Variants in TIAM1 observed in about 807,000 individuals in gnomAD.
TIAM1 encodes the protein rho guanine nucleotide exchange factor TIAM1.
In TIAM1, 65 loss-of-function variants were observed where a neutral mutation model predicts 163.5. That is an observed-to-expected ratio of 0.40 (90% CI 0.33 to 0.49). The LOEUF is 0.49. TIAM1 is among the 20% of genes least tolerant of loss of function. TIAM1 has a pLI of 0.77. For synonymous variants in TIAM1, 833 were observed against 810.1 expected (o/e 1.03, Z -0.48); for missense variants, 1,789 against 2,044.7 (o/e 0.87, Z 2.41).
intron 2 of TIAM1, among the ~76,000 whole-genome samples, chr21:31,414,997 A>C (rs2043323464): frequency 2.0e-5 from 3 of 152,194 alleles, no homozygotes; most frequent in African/African-American, 7.2e-5. Context: ...AGGAGGCAGG[A>C]AGTCACAGAA....
chr21:31,209,968 G>A (rs2086641023), intron 11 of TIAM1, 77 bp downstream of exon 11: 5 of 1,502,040 alleles, frequency 3.3e-6, no homozygotes, highest in Middle Eastern at 4.9e-4. Flanking sequence ...ACGGCTCTGG[G>A]TTTCCACATG....
intron 6 of TIAM1, among the ~76,000 whole-genome samples, chr21:31,234,783 A>T (rs201164038): frequency 0.071 from 5 of 70 alleles, no homozygotes; most frequent in Non-Finnish European, 0.23. Context: ...CCCTGTCTCC[A>T]AAAAAAAAGA....
At position 31,141,721 on chromosome 21, in the gene TIAM1, C is replaced by T. The variant is rs559250656; in HGVS notation, c.3476-217G>A. Among the ~76,000 whole-genome samples, 2 of 152,046 alleles carry T rather than the reference C, an allele frequency of 1.3e-5. No homozygotes were observed. Among genetic ancestry groups the T allele is most frequent in the Non-Finnish European group, 2.9e-5 (2 of 68,010 alleles). ...GTGTTGGGGGTGGGGTGGGGAGAAG[C>T]CTGATGAGTTAAAGGATGACGGAGT... On this transcript the variant is annotated intron_variant, in intron 20 of 27. Transcript: ENST00000541036. This position sits in a 1 kb window ranked among gnomAD's most constrained non-coding sequence, Gnocchi z 4.7.
chr21:31,303,237 A>G (rs1489815739), intron 2 of TIAM1, among the ~76,000 whole-genome samples: 2 of 152,226 alleles, frequency 1.3e-5, no homozygotes, highest in Non-Finnish European at 2.9e-5. Flanking sequence ...AACTCTTCCT[A>G]AGAGAAGCCA....
chr21:31,314,923 C>T (rs1317320853), intron 2 of TIAM1, among the ~76,000 whole-genome samples: 4 of 152,146 alleles, frequency 2.6e-5, no homozygotes, highest in Non-Finnish European at 5.9e-5. Context: ...GACGTACCTG[C>T]ATTTGTATAA....
chr21:31,203,034 GA>G (rs1252502319), intron 11 of TIAM1, 22 bp from the exon 12 acceptor site: 1 of 1,586,422 alleles, frequency 6.3e-7, no homozygotes, highest in Non-Finnish European at 8.6e-7. Context: ...AAGAAAGAAA[GA>G]AAGAAAATGT....
At position 31,546,556 on chromosome 21, in the gene TIAM1, A is replaced by AAAAGAAAGAAAGAAAGAAAG. The variant is rs58230083; in HGVS notation, c.-422+12351_-422+12370dup. Among the ~76,000 whole-genome samples, 86 of 143,370 alleles carry AAAAGAAAGAAAGAAAGAAAG rather than the reference A, an allele frequency of 6.0e-4. 4 individuals are homozygous for AAAAGAAAGAAAGAAAGAAAG. In the East Asian group the frequency reaches 7.3e-3, roughly 12 times the overall value. 94.1% of individuals were successfully genotyped at this position (143,370 alleles called of 152,430 possible). A position where few individuals can be genotyped will look rare whatever the true frequency, so the allele number is the denominator to read the frequency against. The stretch of plus-strand genomic sequence containing the variant: ...CAGAGCAAGACTCCATCTCAAAAAA[A>AAAAGAAAGAAAGAAAGAAAG]AAAGAAAGAAAGAAAGAAAGAAAGA... On this transcript the variant is annotated intron_variant, in intron 1 of 28. Transcript: ENST00000286827.
intron 7 of TIAM1, among the ~76,000 whole-genome samples, chr21:31,224,514 T>C (rs527591454): frequency 2.6e-5 from 4 of 152,330 alleles, no homozygotes; most frequent in African/African-American, 9.6e-5. Context: ...TCCATTCATA[T>C]GAAATATCTA....
intron 3 of TIAM1, among the ~76,000 whole-genome samples, chr21:31,271,557 T>A (rs2073056523): frequency 1.3e-5 from 2 of 152,100 alleles, no homozygotes; most frequent in Admixed American, 6.5e-5. Context: ...TGTGTTCCCC[T>A]CCCCACCCCC....
chr21:31,231,351 C>T (rs539964533), intron 6 of TIAM1, among the ~76,000 whole-genome samples: 16 of 152,232 alleles, frequency 1.1e-4, no homozygotes, highest in East Asian at 5.8e-4. Flanking sequence ...TCAAACATAA[C>T]GGAGTCTGTG....
Position 31,266,640 on chromosome 21 carries a change from G to A in TIAM1, c.333C>T (p.Ser111=), listed in dbSNP as rs200120014. 1.7e-5 allele frequency: 27 copies of A among 1,614,104 alleles called. No individual in the cohort carries two copies. The highest frequency in any genetic ancestry group is 1.8e-5 in the Non-Finnish European group (21 of 1,180,062). ...CTGTGAGGACGATGCTGCTGTCTACGCTGGGAGTGACAGAAGAGTCAGTGT... is the reference window on the plus strand; with the variant it reads ...CTGTGAGGACGATGCTGCTGTCTACACTGGGAGTGACAGAAGAGTCAGTGT... ...VSYTDSSVTP[S]VDSSIVLTAA... The change falls in exon 4 of 28, where the codon AGC becomes AGT. Residue 111 remains serine, a synonymous_variant. Coordinates refer to ENST00000541036, the MANE Select transcript of TIAM1 (RefSeq NM_001353694.2).
chr21:31,311,227 G>A (rs987247591), intron 2 of TIAM1, among the ~76,000 whole-genome samples: 3 of 151,850 alleles, frequency 2.0e-5, no homozygotes, highest in African/African-American at 7.3e-5. Flanking sequence ...ACTCAAGGAG[G>A]AACAAAGACC....
chr21:31,211,052 C>T (rs555908212), intron 10 of TIAM1, among the ~76,000 whole-genome samples: 2 of 151,982 alleles, frequency 1.3e-5, no homozygotes, highest in African/African-American at 2.4e-5. Flanking sequence ...CACGACCCGG[C>T]GCCAGAGACA....
intron 15 of TIAM1, among the ~76,000 whole-genome samples, chr21:31,174,329 T>G (rs2084662884): frequency 6.6e-6 from 1 of 152,184 alleles, no homozygotes; most frequent in South Asian, 2.1e-4. Context: ...GCAAGGTGCC[T>G]TCGACTTTCA....
chr21:31,213,287 G>T, intron 10 of TIAM1, 111 bp downstream of exon 10: 1 of 916,354 alleles, frequency 1.1e-6, no homozygotes, highest in Non-Finnish European at 1.6e-6. Flanking sequence ...ACTGATTTCA[G>T]TTTTTAATAT....
chr21:31,159,357 CTT>C (rs2083787034), intron 16 of TIAM1, among the ~76,000 whole-genome samples: 1 of 152,128 alleles, frequency 6.6e-6, no homozygotes, highest in East Asian at 1.9e-4. Context: ...AGGGGGTAGA[CTT>C]TTAAGTACAC....
chr21:31,200,314 G>C (rs1214905309), intron 12 of TIAM1, among the ~76,000 whole-genome samples: 1 of 151,760 alleles, frequency 6.6e-6, no homozygotes. Flanking sequence ...TCCAGACTGG[G>C]CAACAGAACA....
chr21:31,347,806 A>T (rs1193570837), upstream of TIAM1, among the ~76,000 whole-genome samples: 1 of 140,944 alleles, frequency 7.1e-6, no homozygotes, highest in South Asian at 2.1e-4. Context: ...GCAAACCCTG[A>T]CAACTTTATG....
At chr21:31,379,263 C>G (rs902592260) in intron 2 of TIAM1, among the ~76,000 whole-genome samples, 1 of 152,156 alleles carries the variant, frequency 6.6e-6, no homozygotes, top group African/African-American at 2.4e-5. Context: ...TGAGCCACCT[C>G]GCCTGGCCTA....
Sources: gnomAD v4.1 joint callset for allele counts (sites outside exome capture counted in the v4.1 genomes callset) on GRCh38, gnomAD v4.1.1 for gene constraint, Gnocchi (gnomAD v3.1) non-coding constraint, MANE v1.5 for transcripts, NCBI Gene and HGNC (gene_info 2026-07-23, HGNC 2026-07-21) for gene names.